STX8: variants seen among roughly 807,000 people sequenced by gnomAD.
The protein encoded by STX8 is syntaxin 8.
A neutral mutation model predicts 37.5 loss-of-function variants in STX8; 23 were observed. The observed-to-expected ratio is 0.61, with a 90% CI of 0.44 to 0.87. STX8 has a LOEUF of 0.87. Ranked by LOEUF, STX8 falls within the 40% of genes least tolerant of loss-of-function variation. The pLI is 0.00. For missense variants in STX8, 313 were observed against 284.7 expected, an observed-to-expected ratio of 1.10 and a Z score of -0.71; for synonymous variants, 115 against 99.1, an observed-to-expected ratio of 1.16 and a Z score of -0.95.
At chr17:9,348,450 C>CAATGT (rs1910602245) in intron 7 of STX8, among the ~76,000 whole-genome samples, 2 of 122,454 alleles carry the variant, frequency 1.6e-5, no homozygotes. Context: ...ATATGGGAAC[C>CAATGT]AATGTATAGC....
chr17:9,264,446 A>G (rs1319977383), intron 7 of STX8, among the ~76,000 whole-genome samples: 1 of 152,190 alleles, frequency 6.6e-6, no homozygotes, highest in East Asian at 1.9e-4. Flanking sequence ...ATGGGACCAC[A>G]TGTGCATGCC....
chr17:9,434,751 G>A (rs1181867002), intron 6 of STX8, among the ~76,000 whole-genome samples: 1 of 152,252 alleles, frequency 6.6e-6, no homozygotes, highest in Non-Finnish European at 1.5e-5. Context: ...CATAGGCAGT[G>A]TGTCCAGAGC....
Position 9,484,420 on chromosome 17 carries a change from C to G in STX8, c.541+7409G>C, listed in dbSNP as rs1002235499. ...AAAAAAAAGTCAGCAGTAGCTAAAG[C>G]AAGATGTATGCTGAGGTGGGGGTTG... On this transcript the variant is annotated intron_variant, in intron 6 of 7. Transcript: ENST00000306357. Among the ~76,000 whole-genome samples the G allele has an allele frequency of 3.3e-5, 5 of 149,304 alleles. No individual in the cohort carries two copies. In the South Asian group the frequency reaches 1.1e-3, roughly 32 times the overall value.
At chr17:9,472,259 G>A (rs997259424) in intron 6 of STX8, among the ~76,000 whole-genome samples, 7 of 152,082 alleles carry the variant, frequency 4.6e-5, no homozygotes, top group Admixed American at 2.6e-4. Context: ...GTTCAACCTC[G>A]GCTGGGAATG....
chr17:9,479,395 A>G (rs1906224496), intron 6 of STX8, among the ~76,000 whole-genome samples: 1 of 151,826 alleles, frequency 6.6e-6, no homozygotes. Flanking sequence ...TTAGCTGGGC[A>G]TGGTGGCACA....
rs577722443 is a variant in STX8 at position 9,445,067 on chromosome 17, A to C, written c.541+46762T>G. Among the ~76,000 whole-genome samples, 5 of 152,184 alleles carry C rather than the reference A, an allele frequency of 3.3e-5. No homozygotes were observed. In the East Asian group the frequency reaches 9.7e-4, roughly 30 times the overall value. On this transcript the variant is annotated intron_variant, in intron 6 of 7. Coordinates refer to ENST00000306357, the MANE Select transcript of STX8 (RefSeq NM_004853.3). ...TCGAGTGGAGAAGCTAGCTAAAGAG[A>C]ACTTAGGGAAGCTGAGCAGGTTGCA...
At chr17:9,495,817 TTCTA>T in intron 5 of STX8, among the ~76,000 whole-genome samples, 1 of 152,350 alleles carries the variant, frequency 6.6e-6, no homozygotes, top group African/African-American at 2.4e-5. Flanking sequence ...GAAGAGGCAT[TTCTA>T]AGGGGAAGGT....
intron 6 of STX8, chr17:9,467,280 G>A (rs1487157401): frequency 2.0e-5 from 3 of 152,136 alleles, no homozygotes; most frequent in Admixed American, 6.6e-5. Flanking sequence ...GATAACTGAG[G>A]CGTACAGAAG....
chr17:9,319,967 T>TA (rs1233535282), intron 7 of STX8, among the ~76,000 whole-genome samples: 4 of 150,178 alleles, frequency 2.7e-5, no homozygotes, highest in Non-Finnish European at 4.4e-5. Context: ...AATAAATAAA[T>TA]AAATAAAATA....
chr17:9,382,443 T>A (rs974105092), intron 6 of STX8, among the ~76,000 whole-genome samples: 4 of 152,250 alleles, frequency 2.6e-5, no homozygotes, highest in African/African-American at 9.6e-5. Context: ...TTTTCTTTTT[T>A]AAATTATACT....
intron 6 of STX8, among the ~76,000 whole-genome samples, chr17:9,414,121 T>A (rs867531558): frequency 2.9e-3 from 27 of 9,414 alleles, no homozygotes; most frequent in East Asian, 0.024. Context: ...CATCCATCCA[T>A]CCATCCAACC....
At chr17:9,356,215 T>C (rs79787907) in intron 7 of STX8, among the ~76,000 whole-genome samples, 124 of 152,284 alleles carry the variant, frequency 8.1e-4, no homozygotes, top group African/African-American at 2.9e-3. Flanking sequence ...AGTGTGACAA[T>C]ACTGTTTCTT....
At chr17:9,265,709 G>C (rs1907209917) in intron 7 of STX8, among the ~76,000 whole-genome samples, 1 of 152,180 alleles carries the variant, frequency 6.6e-6, no homozygotes, top group Admixed American at 6.5e-5. Context: ...TGTTGCCTGA[G>C]CACCTGCCAG....
chr17:9,499,697 C>T (rs529544523), intron 5 of STX8, among the ~76,000 whole-genome samples: 12 of 152,170 alleles, frequency 7.9e-5, no homozygotes, highest in Non-Finnish European at 1.3e-4. Flanking sequence ...CACGCCCAGC[C>T]GGAACATAGC....
At chr17:9,427,522 G>C (rs927648560) in intron 6 of STX8, among the ~76,000 whole-genome samples, 1 of 152,174 alleles carries the variant, frequency 6.6e-6, no homozygotes, top group Non-Finnish European at 1.5e-5. Flanking sequence ...TGTTGGGGTA[G>C]ACCACTAAAT....
At chr17:9,423,469 G>C (rs1474112566) in intron 6 of STX8, among the ~76,000 whole-genome samples, 1 of 152,134 alleles carries the variant, frequency 6.6e-6, no homozygotes, top group Admixed American at 6.5e-5. Flanking sequence ...GGGATTACAG[G>C]CATGCGCCAC....
At chr17:9,519,783 A>G (rs1224680607) in intron 4 of STX8, among the ~76,000 whole-genome samples, 1 of 149,900 alleles carries the variant, frequency 6.7e-6, no homozygotes, top group East Asian at 2.0e-4. Flanking sequence ...ATGTTTTTGC[A>G]TGAGTCTGGA....
intron 6 of STX8, among the ~76,000 whole-genome samples, chr17:9,415,682 T>C (rs1379348228): frequency 6.6e-6 from 1 of 152,164 alleles, no homozygotes; most frequent in African/African-American, 2.4e-5. Flanking sequence ...GGCAAGAGAA[T>C]GGCGTGAACC....
chr17:9,454,405 G>A (rs567995093), intron 6 of STX8, among the ~76,000 whole-genome samples: 7 of 152,280 alleles, frequency 4.6e-5, no homozygotes, highest in East Asian at 1.9e-4. Flanking sequence ...CTGGCCGGGC[G>A]CGGTGGCTCA....
Sources: gnomAD v4.1 joint callset for allele counts (sites outside exome capture counted in the v4.1 genomes callset) on GRCh38, gnomAD v4.1.1 for gene constraint, MANE v1.5 for transcripts, NCBI Gene and HGNC (gene_info 2026-07-23, HGNC 2026-07-21) for gene names.